Variants in SORCS1 observed in about 807,000 individuals in gnomAD.
SORCS1 encodes the protein VPS10 domain-containing receptor SorCS1.
A neutral mutation model predicts 146.1 loss-of-function variants in SORCS1; 60 were observed. The ratio of observed to expected loss-of-function variants is 0.41; its 90% CI spans 0.33 to 0.51. The LOEUF (loss-of-function observed/expected upper bound fraction) is 0.51. SORCS1 is among the 20% of genes least tolerant of loss of function. The pLI, the probability that SORCS1 is intolerant of heterozygous loss-of-function variation, is 0.21. For missense variants in SORCS1, 1,352 were observed against 1,487.6 expected, an observed-to-expected ratio of 0.91 and a Z score of 1.50; for synonymous variants, 637 against 584.0, an observed-to-expected ratio of 1.09 and a Z score of -1.31.
chr10:106,692,210 T>G (rs1853345896), intron 9 of SORCS1, among the ~76,000 whole-genome samples: 1 of 151,986 alleles, frequency 6.6e-6, no homozygotes, highest in African/African-American at 2.4e-5. Context: ...CCCAGCTAAT[T>G]TTGGGTTCTT....
At chr10:106,833,548 T>C (rs1948654485) in intron 2 of SORCS1, among the ~76,000 whole-genome samples, 1 of 152,198 alleles carries the variant, frequency 6.6e-6, no homozygotes, top group Non-Finnish European at 1.5e-5. Context: ...TAGTTGTTCC[T>C]GCGAGGCTTA....
chr10:106,801,524 ATTTT>A (rs34849434), intron 3 of SORCS1, among the ~76,000 whole-genome samples: 1 of 113,838 alleles, frequency 8.8e-6, no homozygotes. Context: ...TAGTATAGCC[ATTTT>A]TTTTTTTTTT....
intron 24 of SORCS1, among the ~76,000 whole-genome samples, chr10:106,580,196 C>T (rs539223640): frequency 1.1e-4 from 16 of 152,212 alleles, no homozygotes; most frequent in African/African-American, 3.9e-4. Context: ...GAGTATTTCA[C>T]GAGGGTAGCC....
At chr10:106,733,258 A>G (rs1856739566) in intron 5 of SORCS1, among the ~76,000 whole-genome samples, 1 of 152,220 alleles carries the variant, frequency 6.6e-6, no homozygotes, top group Non-Finnish European at 1.5e-5. Flanking sequence ...TAAAACAATT[A>G]CAACTACAAA....
At chr10:106,976,741 T>C (rs1358229483) in intron 1 of SORCS1, among the ~76,000 whole-genome samples, 1 of 152,154 alleles carries the variant, frequency 6.6e-6, no homozygotes, top group Non-Finnish European at 1.5e-5. Flanking sequence ...CCCCTCCCTG[T>C]GTCTATGTGT....
chr10:106,706,202 G>GAA (rs1354046599), intron 8 of SORCS1, among the ~76,000 whole-genome samples: 1 of 136,706 alleles, frequency 7.3e-6, no homozygotes, highest in Non-Finnish European at 1.6e-5. Flanking sequence ...AAGAAAGAAA[G>GAA]AAAGAAAAAA....
At chr10:106,822,640 A>G (rs1444049129) in intron 3 of SORCS1, among the ~76,000 whole-genome samples, 4 of 152,176 alleles carry the variant, frequency 2.6e-5, no homozygotes, top group Admixed American at 2.6e-4. Context: ...CGGTACCCAA[A>G]AAAAGATCAA....
intron 5 of SORCS1, among the ~76,000 whole-genome samples, chr10:106,739,677 G>T (rs1412300641): frequency 1.3e-5 from 2 of 151,372 alleles, no homozygotes; most frequent in South Asian, 2.1e-4. Context: ...ATATAGCTGG[G>T]TGTGGTGGCG....
intron 21 of SORCS1, among the ~76,000 whole-genome samples, chr10:106,616,504 A>G (rs1847372232): frequency 6.6e-6 from 1 of 152,166 alleles, no homozygotes; most frequent in Admixed American, 6.5e-5. Context: ...GTTATGAAGA[A>G]TAAATGCATT....
the SORCS1 span, among the ~76,000 whole-genome samples, chr10:107,177,837 T>A: frequency 1.3e-5 from 2 of 152,182 alleles, no homozygotes; most frequent in Non-Finnish European, 2.9e-5. Context: ...AGAAAGAAAA[T>A]CATTTCTTTG....
chr10:107,062,103 A>G (rs6584788), intron 1 of SORCS1, among the ~76,000 whole-genome samples: 80,325 of 151,876 alleles, frequency 0.53, 22,309 homozygotes, highest in African/African-American at 0.67. Flanking sequence ...TCACTGATCT[A>G]TCCAAATTCA....
chr10:106,736,487 C>T (rs922170032), intron 5 of SORCS1, among the ~76,000 whole-genome samples: 4 of 151,894 alleles, frequency 2.6e-5, no homozygotes, highest in Non-Finnish European at 5.9e-5. Context: ...TACCAAAGTG[C>T]CTGGCAGGTA....
Position 106,738,056 on chromosome 10 carries a change from G to A in SORCS1, c.960-7942C>T, listed in dbSNP as rs185796321. On this transcript the variant is annotated intron_variant, in intron 5 of 25. Coordinates refer to ENST00000263054, the MANE Select transcript of SORCS1 (RefSeq NM_052918.5). ...TGCAACCTATTAAATGAAAATATCCGATTTTTTCAGTCGTTGTCTATTGAT... is the reference window on the plus strand; with the variant it reads ...TGCAACCTATTAAATGAAAATATCCAATTTTTTCAGTCGTTGTCTATTGAT... Among the ~76,000 whole-genome samples, 572 of 152,144 alleles carry A rather than the reference G, an allele frequency of 3.8e-3. 10 individuals are homozygous for A. Among genetic ancestry groups the A allele is most frequent in the African/African-American group, 0.013 (544 of 41,510 alleles).
intron 6 of SORCS1, among the ~76,000 whole-genome samples, chr10:106,726,756 A>C (rs2135984003): frequency 6.6e-6 from 1 of 152,238 alleles, no homozygotes; most frequent in South Asian, 2.1e-4. Context: ...TGTTTCACAG[A>C]CCCGCAGCAT....
At chr10:107,002,129 C>A (rs1432332780) in intron 1 of SORCS1, among the ~76,000 whole-genome samples, 1 of 152,180 alleles carries the variant, frequency 6.6e-6, no homozygotes, top group Admixed American at 6.5e-5. Flanking sequence ...AATTAAAAAT[C>A]ATCCTATCTC....
intron 19 of SORCS1, among the ~76,000 whole-genome samples, chr10:106,621,555 C>G (rs1847746694): frequency 6.6e-6 from 1 of 151,800 alleles, no homozygotes; most frequent in African/African-American, 2.4e-5. Context: ...ATATCAAATG[C>G]ATGTGAAGGG....
chr10:107,177,152 C>CT, the SORCS1 span, among the ~76,000 whole-genome samples: 5 of 151,898 alleles, frequency 3.3e-5, no homozygotes, highest in African/African-American at 1.2e-4. Flanking sequence ...ATAGTTTTGC[C>CT]TTTTTTTAAC....
intron 2 of SORCS1, among the ~76,000 whole-genome samples, chr10:106,887,415 A>T (rs935277985): frequency 4.6e-5 from 7 of 152,194 alleles, no homozygotes; most frequent in African/African-American, 1.7e-4. Context: ...GAGTTATCAG[A>T]AAATGAAAAA....
intron 1 of SORCS1, among the ~76,000 whole-genome samples, chr10:107,036,130 G>GA (rs1292888923): frequency 1.3e-5 from 2 of 151,784 alleles, no homozygotes; most frequent in Non-Finnish European, 2.9e-5. Flanking sequence ...GCTTGAAGGG[G>GA]AAAATGTGAA....
Sources: gnomAD v4.1 joint callset for allele counts (sites outside exome capture counted in the v4.1 genomes callset) on GRCh38, gnomAD v4.1.1 for gene constraint, MANE v1.5 for transcripts, NCBI Gene and HGNC (gene_info 2026-07-23, HGNC 2026-07-21) for gene names.